IL1RAP: variants seen among roughly 807,000 people sequenced by gnomAD.
IL1RAP encodes the protein interleukin 1 receptor accessory protein.
Under a neutral mutation model 60.7 loss-of-function variants are expected in IL1RAP, and 35 were observed. The ratio of observed to expected loss-of-function variants is 0.58; its 90% CI spans 0.44 to 0.76. IL1RAP has a LOEUF of 0.76. IL1RAP is among the 30% of genes least tolerant of loss of function. IL1RAP has a pLI of 0.00. For missense variants in IL1RAP, 572 were observed against 693.9 expected (o/e 0.82, Z 1.97); for synonymous variants, 268 against 250.9 (o/e 1.07, Z -0.64).
At position 190,647,133 on chromosome 3, in the gene IL1RAP, C is replaced by T. The variant is rs117550141; in HGVS notation, c.1346-1205C>T. Among the ~76,000 whole-genome samples the T allele has an allele frequency of 3.2e-4, 49 of 152,182 alleles. No homozygotes were observed. The East Asian group carries it at 8.9e-3, about 28-fold the overall frequency. On this transcript the variant is annotated intron_variant, in intron 11 of 11. Coordinates refer to ENST00000447382, the MANE Select transcript of IL1RAP (RefSeq NM_002182.4). ...TTGCTTCCTTTTTTATTCTCCCTGC[C>T]GCTCTTACCCAATCTTCTTTGACTC...
intron 4 of IL1RAP, among the ~76,000 whole-genome samples, chr3:190,604,950 A>G (rs1730174857): frequency 6.6e-6 from 1 of 152,144 alleles, no homozygotes; most frequent in Non-Finnish European, 1.5e-5. Flanking sequence ...TCGCATTATC[A>G]TTTCTGTCAG....
At chr3:190,537,048 A>G (rs897569671) in intron 1 of IL1RAP, among the ~76,000 whole-genome samples, 6 of 152,126 alleles carry the variant, frequency 3.9e-5, no homozygotes, top group Non-Finnish European at 8.8e-5. Context: ...ACTTTTAGAC[A>G]TTTACTTATT....
chr3:190,515,337 A>G (rs1721421894), intron 1 of IL1RAP, among the ~76,000 whole-genome samples: 1 of 151,478 alleles, frequency 6.6e-6, no homozygotes, highest in Non-Finnish European at 1.5e-5. Context: ...CATGTTTAGC[A>G]CAGTGCCTGG....
intron 3 of IL1RAP, among the ~76,000 whole-genome samples, chr3:190,589,528 G>A (rs1036141829): frequency 6.6e-6 from 1 of 152,116 alleles, no homozygotes; most frequent in Non-Finnish European, 1.5e-5. Context: ...CAGGATTGTC[G>A]CCTGTGTCTC....
intron 1 of IL1RAP, among the ~76,000 whole-genome samples, chr3:190,532,067 A>G (rs978287225): frequency 2.6e-5 from 4 of 152,082 alleles, no homozygotes; most frequent in African/African-American, 9.7e-5. Flanking sequence ...TAGTTCTGGC[A>G]TAGTGCACTT....
At chr3:190,627,274 GTTTTGTTTTGTT>G (rs762569258) in intron 7 of IL1RAP, 37 bp from the exon 8 acceptor site, 19 of 1,421,530 alleles carry the variant, frequency 1.3e-5, no homozygotes, top group Non-Finnish European at 1.8e-5. Flanking sequence ...GTTTTGTTTT[GTTTTGTTTTGTT>G]TTTTGTTTTT....
At position 190,553,390 on chromosome 3, in the gene IL1RAP, C is replaced by T. The variant is rs562922502; in HGVS notation, c.-88-2740C>T. On this transcript the variant is annotated intron_variant, in intron 1 of 11. Coordinates refer to ENST00000447382, the MANE Select transcript of IL1RAP (RefSeq NM_002182.4). ...CAAACAAAAAATAAATAAACAACCA[C>T]CACGCTTAAAAGTCAACTCCTGACC... 2.2e-4 allele frequency among the ~76,000 whole-genome samples: 34 copies of T among 152,284 alleles called. No individual in the cohort carries two copies. The East Asian group carries it at 4.3e-3, about 19-fold the overall frequency.
intron 9 of IL1RAP, chr3:190,629,801 T>C (rs1577779239): frequency 5.7e-6 from 6 of 1,053,572 alleles, no homozygotes; most frequent in Middle Eastern, 4.3e-4. Flanking sequence ...AAAGAAAATA[T>C]TCAAAGCTAC....
chr3:190,584,665 G>T (rs1271278974), intron 3 of IL1RAP, among the ~76,000 whole-genome samples: 1 of 152,130 alleles, frequency 6.6e-6, no homozygotes, highest in African/African-American at 2.4e-5. Flanking sequence ...TGAAGTGTCT[G>T]TTAAAATATT....
chr3:190,514,253 C>T (rs936177854), intron 1 of IL1RAP, 34 bp downstream of exon 1: 1 of 152,220 alleles, frequency 6.6e-6, no homozygotes, highest in African/African-American at 2.4e-5. Flanking sequence ...GCTCAGAAGT[C>T]ACCAAGCCGC....
intron 4 of IL1RAP, among the ~76,000 whole-genome samples, chr3:190,607,119 C>T (rs771941002): frequency 1.3e-4 from 20 of 152,180 alleles, no homozygotes; most frequent in Non-Finnish European, 2.2e-4. Flanking sequence ...ACACCCCTCC[C>T]TCCCTCTTTG....
intron 9 of IL1RAP, among the ~76,000 whole-genome samples, chr3:190,637,198 T>A (rs1016498581): frequency 2.6e-5 from 4 of 152,202 alleles, no homozygotes; most frequent in African/African-American, 4.8e-5. Context: ...GATCTTTTTT[T>A]AAATTTATTT....
chr3:190,641,521 C>T (rs767106801), intron 9 of IL1RAP, among the ~76,000 whole-genome samples: 2 of 152,116 alleles, frequency 1.3e-5, no homozygotes, highest in African/African-American at 2.4e-5. Flanking sequence ...CAAGATTGCT[C>T]TACAAAATAC....
At position 190,587,327 on chromosome 3, in the gene IL1RAP, G is replaced by A. The variant is rs375484473; in HGVS notation, c.65-16801G>A. 2.6e-5 allele frequency among the ~76,000 whole-genome samples: 4 copies of A among 152,200 alleles called. No homozygotes were observed. The East Asian group carries it at 5.8e-4, about 22-fold the overall frequency. Reference sequence around the variant, plus strand: ...GCTTCATGCTCGTCATTTGTTAAATGAGGGCCATAATAAAGCTATCTGAAA... The same window carrying A: ...GCTTCATGCTCGTCATTTGTTAAATAAGGGCCATAATAAAGCTATCTGAAA... On this transcript the variant is annotated intron_variant, in intron 3 of 11. Coordinates refer to ENST00000447382, the MANE Select transcript of IL1RAP (RefSeq NM_002182.4).
At chr3:190,554,009 C>T (rs796547149) in intron 1 of IL1RAP, among the ~76,000 whole-genome samples, 3 of 136,396 alleles carry the variant, frequency 2.2e-5, no homozygotes, top group Admixed American at 1.6e-4. Context: ...TGCAGTGAGC[C>T]GAGATCCCGC....
At chr3:190,607,415 T>C (rs1469809052) in intron 4 of IL1RAP, among the ~76,000 whole-genome samples, 1 of 152,236 alleles carries the variant, frequency 6.6e-6, no homozygotes, top group African/African-American at 2.4e-5. Context: ...GTTAAGACAC[T>C]GTACTAGATG....
In IL1RAP at chr3:190,649,029, A is replaced by G. The variant is rs1734235923; in HGVS notation, c.*324A>G. ...TCCATTCTTTTTAAAATCTTAACATATGGAGCAGCCTTTCCTATGAATTTA... is the reference window on the plus strand; with the variant it reads ...TCCATTCTTTTTAAAATCTTAACATGTGGAGCAGCCTTTCCTATGAATTTA... On this transcript the variant is annotated 3_prime_UTR_variant, in exon 12 of 12. Coordinates refer to ENST00000447382, the MANE Select transcript of IL1RAP (RefSeq NM_002182.4). 5 of 1,024,304 alleles carry G rather than the reference A, an allele frequency of 4.9e-6. No individual in the cohort carries two copies. The highest frequency in any genetic ancestry group is 5.4e-5 in the Admixed American group (1 of 18,504). 63.5% of individuals were successfully genotyped at this position (1,024,304 alleles called of 1,614,324 possible).
At chr3:190,542,941 A>G (rs1226263934) in intron 1 of IL1RAP, among the ~76,000 whole-genome samples, 1 of 151,586 alleles carries the variant, frequency 6.6e-6, no homozygotes, top group East Asian at 1.9e-4. Flanking sequence ...CCTAGCCAAA[A>G]AAAAATGATG....
intron 7 of IL1RAP, 59 bp from the exon 8 acceptor site, chr3:190,627,256 TTTGTTTTG>T (rs1732372922): frequency 3.6e-5 from 1 of 27,466 alleles, no homozygotes; most frequent in Admixed American, 2.6e-3. Flanking sequence ...GTCTTTGTTT[TTTGTTTTG>T]TTTTGTTTTG....
Sources: allele counts gnomAD v4.1 joint callset (sites outside exome capture counted in the v4.1 genomes callset), GRCh38; gene constraint gnomAD v4.1.1; transcripts MANE v1.5; gene names NCBI Gene and HGNC (gene_info 2026-07-23, HGNC 2026-07-21).